The following JAZF1 variants were observed in gnomAD, a reference collection of about 807,000 sequenced individuals.
JAZF1 encodes the protein juxtaposed with another zinc finger protein 1.
JAZF1 carries 8 observed loss-of-function variants against 26.4 expected under a neutral mutation model. The ratio of observed to expected loss-of-function variants is 0.30; its 90% CI spans 0.18 to 0.55. The LOEUF (loss-of-function observed/expected upper bound fraction) is 0.55, where lower values mean the gene tolerates loss of function less well. JAZF1 is among the 20% of genes least tolerant of loss of function. JAZF1 has a pLI of 0.94. For synonymous variants in JAZF1, 126 were observed against 122.3 expected (o/e 1.03, Z -0.20); for missense variants, 199 against 322.0 (o/e 0.62, Z 2.92).
chr7:27,970,828 T>G (rs562735040), intron 2 of JAZF1, among the ~76,000 whole-genome samples: 1 of 152,378 alleles, frequency 6.6e-6, no homozygotes, highest in African/African-American at 2.4e-5. Context: ...AGTTTATGAA[T>G]CTTAGTTTAC....
At chr7:28,131,474 G>T (rs1219343265) in intron 1 of JAZF1, among the ~76,000 whole-genome samples, 1 of 152,012 alleles carries the variant, frequency 6.6e-6, no homozygotes, top group East Asian at 1.9e-4. Flanking sequence ...ACCACGATAT[G>T]CACTAGATGA....
At chr7:28,124,462 AC>A (rs1782665588) in intron 1 of JAZF1, among the ~76,000 whole-genome samples, 1 of 151,454 alleles carries the variant, frequency 6.6e-6, no homozygotes, top group Non-Finnish European at 1.5e-5. Flanking sequence ...TGCCCAACCC[AC>A]TCTTCACCAT....
chr7:28,054,380 G>T (rs1029113274), intron 1 of JAZF1, among the ~76,000 whole-genome samples: 5 of 152,154 alleles, frequency 3.3e-5, no homozygotes, highest in Non-Finnish European at 4.4e-5. Context: ...TTCAACTAGT[G>T]TATGGCAAGG....
At chr7:27,972,337 C>T (rs192233795) in intron 2 of JAZF1, among the ~76,000 whole-genome samples, 1 of 152,262 alleles carries the variant, frequency 6.6e-6, no homozygotes, top group East Asian at 1.9e-4. Flanking sequence ...GGGAGAGCAT[C>T]CCAGTAGAGG....
chr7:28,168,178 C>T (rs185426844), intron 1 of JAZF1, among the ~76,000 whole-genome samples: 4 of 151,958 alleles, frequency 2.6e-5, no homozygotes, highest in African/African-American at 9.7e-5. Context: ...GTCAGGAGAT[C>T]GAGACCATCC....
chr7:27,896,736 C>T (rs886583639), intron 2 of JAZF1, among the ~76,000 whole-genome samples: 1 of 152,306 alleles, frequency 6.6e-6, no homozygotes, highest in Non-Finnish European at 1.5e-5. Flanking sequence ...AATACTGTTA[C>T]GCTGTCTTAA....
At chr7:28,155,797 G>A (rs1255018441) in intron 1 of JAZF1, among the ~76,000 whole-genome samples, 2 of 152,190 alleles carry the variant, frequency 1.3e-5, no homozygotes, top group Admixed American at 6.5e-5. Context: ...GTGTGCACGC[G>A]CACATGGGAA....
chr7:27,849,752 G>GACACACACACACACACACACACAC lies in JAZF1; in HGVS notation c.386-8886_386-8885insGTGTGTGTGTGTGTGTGTGTGTGT, dbSNP rs72394231. Among the ~76,000 whole-genome samples the GACACACACACACACACACACACAC allele has an allele frequency of 5.7e-3, 623 of 108,456 alleles. 3 individuals are homozygous for GACACACACACACACACACACACAC. The highest frequency in any genetic ancestry group is 0.025 in the South Asian group (90 of 3,558). 71.2% of individuals were successfully genotyped at this position (108,456 alleles called of 152,430 possible). A position where few individuals can be genotyped will look rare whatever the true frequency, so the allele number is the denominator to read the frequency against. On this transcript the variant is annotated intron_variant, in intron 3 of 4. Transcript: ENST00000283928. ...ATCAATATTGGAACCCTTACACACA[G>GACACACACACACACACACACACAC]ACACACACACACACACACACACCCC...
intron 1 of JAZF1, among the ~76,000 whole-genome samples, chr7:28,011,311 G>A (rs1420531747): frequency 6.6e-6 from 1 of 152,162 alleles, no homozygotes; most frequent in African/African-American, 2.4e-5. Context: ...TTAGTCCAAT[G>A]ACTTCTAATG....
intron 3 of JAZF1, among the ~76,000 whole-genome samples, chr7:27,877,371 T>C (rs910222248): frequency 2.8e-4 from 43 of 152,252 alleles, no homozygotes; most frequent in Admixed American, 1.5e-3. Context: ...GAAGCGAACA[T>C]GGAAAGGTAT....
intron 2 of JAZF1, among the ~76,000 whole-genome samples, chr7:27,965,816 T>G (rs947805421): frequency 6.6e-6 from 1 of 152,216 alleles, no homozygotes; most frequent in Admixed American, 6.5e-5. Flanking sequence ...GCACATCTTG[T>G]TTCAATTTAA....
intron 1 of JAZF1, among the ~76,000 whole-genome samples, chr7:28,113,311 T>C (rs759662704): frequency 2.6e-5 from 4 of 152,158 alleles, no homozygotes; most frequent in Admixed American, 1.3e-4. Context: ...GACTAACTAA[T>C]GGCAAAGCCA....
At chr7:27,900,937 C>T (rs559765482) in intron 2 of JAZF1, among the ~76,000 whole-genome samples, 1 of 150,836 alleles carries the variant, frequency 6.6e-6, no homozygotes, top group East Asian at 1.9e-4. Flanking sequence ...TACCATTCAG[C>T]TTATGAAAAG....
intron 1 of JAZF1, among the ~76,000 whole-genome samples, chr7:28,005,270 G>A (rs1782678568): frequency 6.6e-6 from 1 of 152,096 alleles, no homozygotes; most frequent in African/African-American, 2.4e-5. Flanking sequence ...TGGTTTTCCT[G>A]TGCTGTCATT....
intron 1 of JAZF1, among the ~76,000 whole-genome samples, chr7:28,153,110 C>T (rs111820345): frequency 1.5e-4 from 23 of 152,230 alleles, no homozygotes; most frequent in Middle Eastern, 3.4e-3. Flanking sequence ...ATTTCTCCCT[C>T]GAATCAGCAC....
chr7:28,092,264 T>C (rs1214646058), intron 1 of JAZF1, among the ~76,000 whole-genome samples: 1 of 73,884 alleles, frequency 1.4e-5, no homozygotes, highest in African/African-American at 5.1e-5. Flanking sequence ...ATCTAAACTC[T>C]AACATCCCAT....
At chr7:28,138,896 G>T (rs540872544) in intron 1 of JAZF1, among the ~76,000 whole-genome samples, 1 of 152,310 alleles carries the variant, frequency 6.6e-6, no homozygotes, top group East Asian at 1.9e-4. Flanking sequence ...AGAGCGGCTG[G>T]AGGCTCAAAT....
intron 1 of JAZF1, among the ~76,000 whole-genome samples, chr7:28,056,172 G>C (rs1195865649): frequency 4.6e-5 from 7 of 151,732 alleles, no homozygotes; most frequent in African/African-American, 1.7e-4. Context: ...AAAGGGGTGG[G>C]GGAATATGAT....
intron 3 of JAZF1, among the ~76,000 whole-genome samples, chr7:27,889,768 C>T (rs1407226476): frequency 1.3e-5 from 2 of 152,010 alleles, no homozygotes; most frequent in Admixed American, 6.5e-5. Flanking sequence ...CCCACCTCTA[C>T]TAAAAATACA....
Sources: gnomAD v4.1 joint callset for allele counts (sites outside exome capture counted in the v4.1 genomes callset) on GRCh38, gnomAD v4.1.1 for gene constraint, MANE v1.5 for transcripts, NCBI Gene and HGNC (gene_info 2026-07-23, HGNC 2026-07-21) for gene names.